The following PARVG variants were observed in gnomAD, a reference collection of about 807,000 sequenced individuals.
The protein encoded by PARVG is gamma-parvin.
In PARVG, 36 loss-of-function variants were observed where a neutral mutation model predicts 44.4. That is an observed-to-expected ratio of 0.81 (90% CI 0.62 to 1.07). The LOEUF is 1.07. Among genes scored for constraint, PARVG ranks in the 50% least tolerant of loss-of-function variants. The pLI is 0.00. For missense variants in PARVG, 407 were observed against 407.4 expected (o/e 1.00, Z 0.01); for synonymous variants, 170 against 174.1 (o/e 0.98, Z 0.19).
rs1272851864 is a variant in PARVG at position 44,208,427 on chromosome 22, T to C, written c.*2001T>C. 1 of 152,242 alleles carries C rather than the reference T, an allele frequency of 6.6e-6. No individual in the cohort carries two copies. The highest frequency in any genetic ancestry group is 2.4e-5 in the African/African-American group (1 of 41,464). The allele number at this position is 152,242 out of a possible 1,614,324, so 9.4% of individuals were successfully genotyped here. ...ACTGATCTGTTTTCTGTCACCATCATTTAGACTTGTCTAGAATTTCTTATA... is the reference window on the plus strand; with the variant it reads ...ACTGATCTGTTTTCTGTCACCATCACTTAGACTTGTCTAGAATTTCTTATA... On this transcript the variant is annotated 3_prime_UTR_variant, in exon 14 of 14. Coordinates refer to ENST00000444313, the MANE Select transcript of PARVG (RefSeq NM_022141.7).
chr22:44,189,364 G>C, intron 6 of PARVG, 110 bp downstream of exon 6: 1 of 1,468,846 alleles, frequency 6.8e-7, no homozygotes, highest in Non-Finnish European at 9.2e-7. Flanking sequence ...TCCCAGCAGG[G>C]GTACAACCTG....
At chr22:44,185,937 A>C (rs1435633580) in intron 4 of PARVG, 65 bp downstream of exon 4, 5 of 1,496,930 alleles carry the variant, frequency 3.3e-6, no homozygotes, top group Non-Finnish European at 4.6e-6. Flanking sequence ...AGCGGCCTCC[A>C]CGGGGCGGGG....
intron 7 of PARVG, 125 bp from the exon 8 acceptor site, chr22:44,191,924 A>C: frequency 9.3e-7 from 1 of 1,075,514 alleles, no homozygotes; most frequent in Non-Finnish European, 1.4e-6. Flanking sequence ...CTCCTGGGGA[A>C]GAAAGACAAT....
intron 13 of PARVG, 26 bp downstream of exon 13, chr22:44,205,855 G>A (rs757157198): frequency 2.7e-5 from 44 of 1,609,156 alleles, no homozygotes; most frequent in African/African-American, 4.0e-5. Context: ...ATGCCCACAC[G>A]GTGGCCAGCC....
At chr22:44,194,121 A>G (rs1310267833) in intron 9 of PARVG, among the ~76,000 whole-genome samples, 1 of 152,242 alleles carries the variant, frequency 6.6e-6, no homozygotes, top group Non-Finnish European at 1.5e-5. Context: ...TTCAAACACC[A>G]GTGTTCCCAC....
chr22:44,198,103 A>C (rs1377145299), intron 11 of PARVG, among the ~76,000 whole-genome samples: 2 of 152,238 alleles, frequency 1.3e-5, no homozygotes, highest in East Asian at 3.8e-4. Flanking sequence ...AAGGGCTTCG[A>C]ATGGCAGTTC....
In PARVG at chr22:44,187,823, G is replaced by A; in HGVS notation, c.192G>A (p.Val64=). The change falls in exon 5 of 14, where the codon GTG becomes GTA. Residue 64 remains valine (V), a synonymous_variant. Coordinates refer to ENST00000444313, the MANE Select transcript of PARVG (RefSeq NM_022141.7). The part of the protein sequence containing the change: ...INATLLPEHI[V]VRSLEEDMFD... ...CCACTCTTCTCCCCGAGCACATTGT[G>A]GTCCGCAGCCTGGAGGAGGACATGT... The A allele has an allele frequency of 1.2e-6, 2 of 1,614,264 alleles. No homozygotes were observed. The highest frequency in any genetic ancestry group is 1.7e-6 in the Non-Finnish European group (2 of 1,180,050).
At chr22:44,190,697 C>G (rs2054536394) in intron 7 of PARVG, 31 bp downstream of exon 7, 1 of 1,566,610 alleles carries the variant, frequency 6.4e-7, no homozygotes, top group African/African-American at 1.4e-5. Context: ...GATTTGTAAG[C>G]AGAAGCTGAG....
rs1294964245 is a variant in PARVG, at chr22:44,193,823, A to T, written c.583A>T (p.Lys195Ter). The change falls in exon 9 of 14, where the codon AAG (lysine) becomes TAG (stop). Residue 195 changes from lysine (K) to a stop codon, truncating the protein, a stop_gained and splice_region_variant. Transcript: ENST00000444313. LOFTEE classifies it high-confidence loss of function. ...EYSTDKDEPP[K>*]DVFDELFKLA... The stretch of plus-strand genomic sequence containing the variant: ...CAGCACAGACAAGGACGAGCCTCCA[A>T]GTGAGTACTTTCATCATTTTTGGAA... 6.2e-7 allele frequency: 1 copy of T among 1,614,090 alleles called. No homozygotes were observed.
intron 12 of PARVG, among the ~76,000 whole-genome samples, chr22:44,198,988 ATCATCTACCTATCTATCCAT>A (rs2054667813): frequency 4.9e-5 from 5 of 102,608 alleles, no homozygotes; most frequent in South Asian, 3.4e-4. Context: ...CCATCCATCC[ATCATCTACCTATCTATCCAT>A]CCCCATCTAC....
intron 12 of PARVG, among the ~76,000 whole-genome samples, chr22:44,201,542 C>G (rs11703937): frequency 6.6e-6 from 1 of 152,004 alleles, no homozygotes; most frequent in Non-Finnish European, 1.5e-5. Context: ...GCAACGAGGC[C>G]GGGGCAGTCA....
At chr22:44,181,627 C>A in intron 1 of PARVG, 115 bp from the exon 2 acceptor site, 2 of 812,244 alleles carry the variant, frequency 2.5e-6, no homozygotes, top group Non-Finnish European at 3.0e-6. Flanking sequence ...AAGTGGCCTG[C>A]AGAACCCCGG....
chr22:44,173,309 T>C, intron 1 of PARVG: 1 of 922,082 alleles, frequency 1.1e-6, no homozygotes, highest in Non-Finnish European at 1.4e-6. Context: ...CTTTTCATGA[T>C]GTGACGTCAC....
intron 9 of PARVG, among the ~76,000 whole-genome samples, chr22:44,194,837 C>A (rs1245337283): frequency 6.6e-6 from 1 of 152,008 alleles, no homozygotes; most frequent in African/African-American, 2.4e-5. Context: ...ATCCATCCAT[C>A]CATCCATCTA....
intron 12 of PARVG, among the ~76,000 whole-genome samples, chr22:44,202,034 G>C (rs1053319482): frequency 6.6e-5 from 10 of 152,248 alleles, no homozygotes; most frequent in African/African-American, 2.4e-4. Flanking sequence ...CCGATGGTGG[G>C]ATCTCCCACG....
chr22:44,180,642 C>A (rs1485309218), upstream of PARVG, among the ~76,000 whole-genome samples: 1 of 152,176 alleles, frequency 6.6e-6, no homozygotes, highest in Admixed American at 6.5e-5. Context: ...GATGATTGTA[C>A]CTACCTCACA....
Position 44,206,321 on chromosome 22 carries a change from C to T in PARVG, c.891C>T (p.Ile297=), listed in dbSNP as rs571064681. 6.8e-6 allele frequency: 11 copies of T among 1,613,058 alleles called. No homozygotes were observed. Among genetic ancestry groups the T allele is most frequent in the South Asian group, 5.5e-5 (5 of 91,064 alleles). The change falls in exon 14 of 14, where the codon ATC becomes ATT. Residue 297 remains isoleucine (I), a synonymous_variant. Transcript: ENST00000444313. ...CTGCCCTCCTTTGGCCCGCAGATATCGTGAACAAGGATGCCAAGAGCACAC... is the reference window on the plus strand; with the variant it reads ...CTGCCCTCCTTTGGCCCGCAGATATTGTGAACAAGGATGCCAAGAGCACAC... ...LLSCPVSPED[I]VNKDAKSTLR... is the part of the protein sequence containing the mutation.
At chr22:44,198,969 T>TCCACCCAC (rs1601745494) in intron 12 of PARVG, among the ~76,000 whole-genome samples, 5 of 54,704 alleles carry the variant, frequency 9.1e-5, no homozygotes, top group Non-Finnish European at 2.3e-4. Flanking sequence ...CATCCATCCA[T>TCCACCCAC]CCATCCATCC....
intron 10 of PARVG, 55 bp from the exon 11 acceptor site, chr22:44,196,292 A>G: frequency 1.2e-6 from 2 of 1,613,842 alleles, no homozygotes; most frequent in Non-Finnish European, 1.7e-6. Context: ...GGAGGGAATC[A>G]CGGGTCCTCC....
Sources: allele counts gnomAD v4.1 joint callset (sites outside exome capture counted in the v4.1 genomes callset), GRCh38; gene constraint gnomAD v4.1.1; transcripts MANE v1.5; gene names NCBI Gene and HGNC (gene_info 2026-07-23, HGNC 2026-07-21).